SLC24A3: variants seen among roughly 807,000 people sequenced by gnomAD.
SLC24A3 encodes sodium/potassium/calcium exchanger 3.
SLC24A3 carries 28 observed loss-of-function variants against 75.8 expected under a neutral mutation model. The ratio of observed to expected loss-of-function variants is 0.37; its 90% confidence interval spans 0.27 to 0.51. SLC24A3 has a LOEUF of 0.51. Ranked by LOEUF, SLC24A3 falls within the 20% of genes least tolerant of loss-of-function variation. The probability of loss-of-function intolerance (pLI) is 0.94; values close to 1 mark genes in which losing one functional copy is unlikely to be tolerated. For missense variants in SLC24A3, 663 were observed against 847.8 expected (o/e 0.78, Z 2.71); for synonymous variants, 372 against 334.1 (o/e 1.11, Z -1.24).
chr20:19,552,004 T>C (rs2030704118), intron 3 of SLC24A3, among the ~76,000 whole-genome samples: 1 of 152,246 alleles, frequency 6.6e-6, no homozygotes, highest in Non-Finnish European at 1.5e-5. Flanking sequence ...CACTGCTTGC[T>C]CTTTTATTTG....
intron 2 of SLC24A3, among the ~76,000 whole-genome samples, chr20:19,354,400 G>A (rs1985634772): frequency 6.6e-6 from 1 of 152,146 alleles, no homozygotes; most frequent in Non-Finnish European, 1.5e-5. Flanking sequence ...GGGGTCAGGT[G>A]CAGGGGGTTG....
At chr20:19,345,028 A>AG in intron 2 of SLC24A3, among the ~76,000 whole-genome samples, 1 of 152,350 alleles carries the variant, frequency 6.6e-6, no homozygotes. Context: ...CTGATTTGGA[A>AG]GAAAGAAATA....
chr20:19,406,181 GGT>G (rs372463704), intron 2 of SLC24A3, among the ~76,000 whole-genome samples: 3,020 of 144,644 alleles, frequency 0.021, 30 homozygotes, highest in Middle Eastern at 0.046. Flanking sequence ...TTTTAAAGAT[GGT>G]GTGTGTGTGT....
At chr20:19,230,957 T>G (rs777908306) in intron 1 of SLC24A3, among the ~76,000 whole-genome samples, 1 of 152,168 alleles carries the variant, frequency 6.6e-6, no homozygotes, top group Non-Finnish European at 1.5e-5. Flanking sequence ...AAAAAGAAAT[T>G]GGGATTTGGG....
At chr20:19,709,448 C>A (rs1386694619) in intron 15 of SLC24A3, among the ~76,000 whole-genome samples, 1 of 151,990 alleles carries the variant, frequency 6.6e-6, no homozygotes, top group Non-Finnish European at 1.5e-5. Flanking sequence ...ATGGTGAAAC[C>A]CTGTCCCTAC....
At chr20:19,262,404 C>CAAAAAAAA (rs58691860) in intron 1 of SLC24A3, among the ~76,000 whole-genome samples, 3 of 75,740 alleles carry the variant, frequency 4.0e-5, no homozygotes, top group South Asian at 4.9e-4. Flanking sequence ...GACTCCGTCT[C>CAAAAAAAA]AAAAAAAAAA....
chr20:19,650,274 A>G (rs1407310818), intron 6 of SLC24A3, among the ~76,000 whole-genome samples: 4 of 152,240 alleles, frequency 2.6e-5, no homozygotes, highest in Non-Finnish European at 5.9e-5. Context: ...AAGAAGAGAA[A>G]GGATATCACT....
At chr20:19,250,303 A>T (rs528235332) in intron 1 of SLC24A3, among the ~76,000 whole-genome samples, 1 of 152,360 alleles carries the variant, frequency 6.6e-6, no homozygotes. Flanking sequence ...GATTGCTGGG[A>T]TACACATACT....
At position 19,701,062 on chromosome 20, in the gene SLC24A3, C is replaced by G. The variant is rs752918221; in HGVS notation, c.1719+2382C>G. ...CAGATTCATTCCTGAAGTTTTGGGA[C>G]AGCTTTATGACACCCTCATATCCTG... On this transcript the variant is annotated intron_variant, in intron 15 of 16. Transcript: ENST00000328041. Among the ~76,000 whole-genome samples the G allele has an allele frequency of 9.9e-4, 150 of 152,236 alleles. 1 individual carries two copies. The highest frequency in any genetic ancestry group is 6.2e-4 in the South Asian group (3 of 4,818).
At chr20:19,227,439 G>A (rs1055550614) in intron 1 of SLC24A3, among the ~76,000 whole-genome samples, 64 of 150,596 alleles carry the variant, frequency 4.2e-4, no homozygotes, top group African/African-American at 1.5e-3. Flanking sequence ...TCTGGCCCAC[G>A]CCGTATCTCT....
chr20:19,260,419 G>C (rs1982947016), intron 1 of SLC24A3, among the ~76,000 whole-genome samples: 1 of 152,194 alleles, frequency 6.6e-6, no homozygotes, highest in South Asian at 2.1e-4. Flanking sequence ...TACTCAGCAT[G>C]GCAAATATTA....
intron 9 of SLC24A3, among the ~76,000 whole-genome samples, chr20:19,680,103 AGT>A (rs1202752078): frequency 1.6e-5 from 2 of 125,406 alleles, no homozygotes; most frequent in Admixed American, 8.0e-5. Context: ...TGTGTGTGCG[AGT>A]GTGTGTCTGT....
chr20:19,477,977 A>G (rs941699713), intron 2 of SLC24A3, among the ~76,000 whole-genome samples: 2 of 152,376 alleles, frequency 1.3e-5, no homozygotes, highest in Admixed American at 1.3e-4. Flanking sequence ...TAGAATGCCC[A>G]GGTCCCTGGA....
At chr20:19,487,497 A>G (rs1255422608) in intron 2 of SLC24A3, among the ~76,000 whole-genome samples, 1 of 152,198 alleles carries the variant, frequency 6.6e-6, no homozygotes, top group African/African-American at 2.4e-5. Context: ...CCATAGCAAA[A>G]TGCCTTTTGC....
chr20:19,488,192 G>A (rs1440166550), intron 2 of SLC24A3, among the ~76,000 whole-genome samples: 1 of 152,218 alleles, frequency 6.6e-6, no homozygotes, highest in Non-Finnish European at 1.5e-5. Context: ...TATAATCATG[G>A]GACCTCAGGC....
At chr20:19,523,894 G>A (rs1033579031) in intron 3 of SLC24A3, among the ~76,000 whole-genome samples, 62 of 152,062 alleles carry the variant, frequency 4.1e-4, no homozygotes, top group African/African-American at 1.5e-3. Context: ...TAAAGTTCCA[G>A]CCCCTGCAAC....
chr20:19,665,871 A>G lies in SLC24A3; in HGVS notation c.695A>G (p.Tyr232Cys). 1.9e-6 allele frequency: 3 copies of G among 1,608,852 alleles called. No individual in the cohort carries two copies. Among genetic ancestry groups the G allele is most frequent in the Non-Finnish European group, 2.5e-6 (3 of 1,177,810 alleles). The change falls in exon 8 of 17, where the codon TAT becomes TGT. Residue 232 changes from tyrosine to cysteine, a missense_variant. By Grantham distance (194) the Tyr-to-Cys change is radical (BLOSUM62 -2). Transcript: ENST00000328041. ...LSVIALIVFI[Y>C]DEKVSWWESL... is the part of the protein sequence containing the mutation. ...CTTTTTATTTTTTCACAGTTTATTT[A>G]TGATGAAAAAGTTTCCTGGTAAGTA...
chr20:19,305,380 G>A (rs1377743276), intron 2 of SLC24A3, among the ~76,000 whole-genome samples: 3 of 151,930 alleles, frequency 2.0e-5, no homozygotes, highest in East Asian at 1.9e-4. Flanking sequence ...TGAGGCACCC[G>A]AACCACCAGG....
At chr20:19,258,313 C>T (rs1316433795) in intron 1 of SLC24A3, among the ~76,000 whole-genome samples, 1 of 152,210 alleles carries the variant, frequency 6.6e-6, no homozygotes, top group Non-Finnish European at 1.5e-5. Flanking sequence ...TGGTAAAAGC[C>T]ACTCTGAACA....
Sources: allele counts gnomAD v4.1 joint callset (sites outside exome capture counted in the v4.1 genomes callset), GRCh38; gene constraint gnomAD v4.1.1; transcripts MANE v1.5; gene names NCBI Gene and HGNC (gene_info 2026-07-23, HGNC 2026-07-21).